The following WWOX variants were observed in gnomAD, a reference collection of about 807,000 sequenced individuals.
WWOX encodes WW domain-containing oxidoreductase.
WWOX carries 69 observed loss-of-function variants against 46.2 expected under a neutral mutation model. The ratio of observed to expected loss-of-function variants is 1.49; its 90% CI spans 1.23 to 1.82. WWOX has a LOEUF of 1.82. Ranked by LOEUF, WWOX falls within the 40% of genes most tolerant of loss-of-function variation. WWOX has a pLI of 0.00. For missense variants in WWOX, 919 were observed against 542.6 expected (o/e 1.69, Z -6.89); for synonymous variants, 359 against 202.6 (o/e 1.77, Z -6.56).
chr16:78,436,502 C>G (rs1286168914), intron 8 of WWOX, among the ~76,000 whole-genome samples: 1 of 152,180 alleles, frequency 6.6e-6, no homozygotes, highest in Non-Finnish European at 1.5e-5. Flanking sequence ...AGCTAAGAGT[C>G]TTACTAAAAT....
At chr16:78,645,627 G>A (rs1221403426) in intron 8 of WWOX, among the ~76,000 whole-genome samples, 1 of 152,014 alleles carries the variant, frequency 6.6e-6, no homozygotes, top group Non-Finnish European at 1.5e-5. Context: ...GGGAGGGGAG[G>A]TGCCAGAGAC....
chr16:78,226,833 C>T (rs1209447546), intron 5 of WWOX, among the ~76,000 whole-genome samples: 2 of 152,172 alleles, frequency 1.3e-5, no homozygotes, highest in Non-Finnish European at 2.9e-5. Flanking sequence ...CTGCTGAGGG[C>T]TGCTCCCAGC....
Position 78,911,106 on chromosome 16 carries a change from G to A in WWOX, c.1057-300502G>A, listed in dbSNP as rs2045099620. ...AGGGCCTCCCTTCTTGTTCTCCCCA[G>A]TTGCAGACCTCAGACAGGAGTCTGC... On this transcript the variant is annotated intron_variant, in intron 8 of 8. Coordinates refer to ENST00000566780, the MANE Select transcript of WWOX (RefSeq NM_016373.4). Among the ~76,000 whole-genome samples, 4 of 151,936 alleles carry A rather than the reference G, an allele frequency of 2.6e-5. No homozygotes were observed. In the South Asian group the frequency reaches 8.3e-4, roughly 31 times the overall value.
At chr16:78,768,123 G>A (rs2049970051) in intron 8 of WWOX, among the ~76,000 whole-genome samples, 1 of 148,864 alleles carries the variant, frequency 6.7e-6, no homozygotes, top group South Asian at 2.1e-4. Flanking sequence ...GTAATTCTTG[G>A]CTTTGGATTT....
At chr16:78,944,447 T>C (rs2045911203) in intron 8 of WWOX, among the ~76,000 whole-genome samples, 1 of 152,198 alleles carries the variant, frequency 6.6e-6, no homozygotes, top group South Asian at 2.1e-4. Context: ...GGGGCAAATA[T>C]CACAATATGA....
intron 5 of WWOX, among the ~76,000 whole-genome samples, chr16:78,380,864 C>G (rs942639230): frequency 2.6e-5 from 4 of 152,148 alleles, no homozygotes; most frequent in Non-Finnish European, 5.9e-5. Flanking sequence ...TATTGGAAAA[C>G]AATGGTCATC....
chr16:78,720,155 T>A (rs1428370365), intron 8 of WWOX, among the ~76,000 whole-genome samples: 1 of 152,186 alleles, frequency 6.6e-6, no homozygotes, highest in Non-Finnish European at 1.5e-5. Context: ...TGCCCTAATT[T>A]TAAATGGTGA....
At chr16:78,779,781 G>T (rs1319866709) in intron 8 of WWOX, among the ~76,000 whole-genome samples, 2 of 152,146 alleles carry the variant, frequency 1.3e-5, no homozygotes, top group African/African-American at 4.8e-5. Flanking sequence ...GCAGAGGTGG[G>T]ATCTAGACTG....
chr16:78,593,687 C>G (rs1411161792), intron 8 of WWOX, among the ~76,000 whole-genome samples: 1 of 151,412 alleles, frequency 6.6e-6, no homozygotes, highest in African/African-American at 2.4e-5. Context: ...TTGGCAGCAT[C>G]TTCCCAGCGT....
chr16:78,643,236 G>C (rs1023155238), intron 8 of WWOX, among the ~76,000 whole-genome samples: 3 of 152,172 alleles, frequency 2.0e-5, no homozygotes, highest in African/African-American at 7.2e-5. Flanking sequence ...CGTATGCCTA[G>C]AAAACATGAA....
At chr16:79,044,242 A>G (rs1419078946) in intron 8 of WWOX, among the ~76,000 whole-genome samples, 1 of 151,648 alleles carries the variant, frequency 6.6e-6, no homozygotes, top group Non-Finnish European at 1.5e-5. Context: ...AGTTACCATC[A>G]AAATCCGTCG....
intron 8 of WWOX, among the ~76,000 whole-genome samples, chr16:78,568,542 C>G (rs1387511476): frequency 6.8e-6 from 1 of 146,702 alleles, no homozygotes; most frequent in Non-Finnish European, 1.5e-5. Context: ...GTGGCCCGAT[C>G]CTGGGTCACT....
At chr16:78,206,858 C>T (rs1051080363) in intron 5 of WWOX, among the ~76,000 whole-genome samples, 53 of 152,138 alleles carry the variant, frequency 3.5e-4, no homozygotes, top group African/African-American at 1.2e-3. Flanking sequence ...CGGTTTCAGA[C>T]CCTTTTAGTC....
intron 8 of WWOX, among the ~76,000 whole-genome samples, chr16:78,922,143 G>C (rs904846411): frequency 3.9e-5 from 6 of 152,080 alleles, no homozygotes; most frequent in African/African-American, 1.2e-4. Flanking sequence ...GGTGTGATTG[G>C]GTGATTGCCC....
rs1555517877 is a variant in WWOX at position 78,314,704 on chromosome 16, T to TG, written c.517-72156_517-72155insG. ...CCTGCAGGGGTTTTTTTTTTTTGTT[T>TG]TTTTTTTTTTTTTTTTTCTGTATTT... On this transcript the variant is annotated intron_variant, in intron 5 of 8. Transcript: ENST00000566780. Among the ~76,000 whole-genome samples, 247 of 69,132 alleles carry TG rather than the reference T, an allele frequency of 3.6e-3. 4 individuals are homozygous for TG. The highest frequency in any genetic ancestry group is 0.017 in the African/African-American group (236 of 14,164). The allele number at this position is 69,132 out of a possible 152,430, so 45.4% of individuals were successfully genotyped here.
intron 5 of WWOX, among the ~76,000 whole-genome samples, chr16:78,333,756 G>T (rs1461157964): frequency 6.6e-6 from 1 of 152,154 alleles, no homozygotes; most frequent in East Asian, 1.9e-4. Context: ...CCTCTGTTCA[G>T]CAAACGTGAC....
chr16:78,935,594 C>T (rs991405139), intron 8 of WWOX, among the ~76,000 whole-genome samples: 6 of 137,100 alleles, frequency 4.4e-5, no homozygotes, highest in Non-Finnish European at 6.2e-5. Context: ...CATCACACAC[C>T]GGGGCCTGTC....
At chr16:78,423,466 G>C (rs1201483105) in intron 6 of WWOX, among the ~76,000 whole-genome samples, 1 of 152,022 alleles carries the variant, frequency 6.6e-6, no homozygotes, top group Non-Finnish European at 1.5e-5. Context: ...TATTTATTTT[G>C]TTGTATAGTT....
intron 8 of WWOX, among the ~76,000 whole-genome samples, chr16:78,517,701 G>A (rs1036024983): frequency 4.6e-5 from 7 of 151,972 alleles, no homozygotes; most frequent in East Asian, 3.9e-4. Flanking sequence ...AAGGGCATGC[G>A]TTGACTTCAT....
Sources: gnomAD v4.1 joint callset for allele counts (sites outside exome capture counted in the v4.1 genomes callset) on GRCh38, gnomAD v4.1.1 for gene constraint, MANE v1.5 for transcripts, NCBI Gene and HGNC (gene_info 2026-07-23, HGNC 2026-07-21) for gene names.